IFT74: variants seen among roughly 807,000 people sequenced by gnomAD.
The protein encoded by IFT74 is intraflagellar transport 74.
IFT74 carries 92 observed loss-of-function variants against 96.7 expected under a neutral mutation model. The observed-to-expected ratio is 0.95, with a 90% CI of 0.80 to 1.13. IFT74 has a LOEUF of 1.13. Among genes scored for constraint, IFT74 ranks in the 50% most tolerant of loss-of-function variants. IFT74 has a pLI of 0.00. For synonymous variants in IFT74, 223 were observed against 213.2 expected (o/e 1.05, Z -0.40); for missense variants, 811 against 698.2 (o/e 1.16, Z -1.82).
At chr9:26,988,769 T>C in intron 7 of IFT74, 41 bp downstream of exon 7, 1 of 1,444,612 alleles carries the variant, frequency 6.9e-7, no homozygotes, top group Non-Finnish European at 9.4e-7. Context: ...ATGTAAGTCA[T>C]ATCCTACAAA....
At chr9:27,037,113 G>T (rs1208646689) in intron 13 of IFT74, among the ~76,000 whole-genome samples, 3 of 151,670 alleles carry the variant, frequency 2.0e-5, no homozygotes, top group Non-Finnish European at 4.4e-5. Context: ...CCAGCTACTA[G>T]GGAGGCTGAG....
intron 8 of IFT74, among the ~76,000 whole-genome samples, chr9:26,990,632 G>T (rs1470031643): frequency 6.6e-6 from 1 of 152,104 alleles, no homozygotes; most frequent in African/African-American, 2.4e-5. Flanking sequence ...GTCATATATA[G>T]ATTGTATGTG....
chr9:26,965,233 A>G (rs1035944668), intron 2 of IFT74, among the ~76,000 whole-genome samples: 1 of 152,196 alleles, frequency 6.6e-6, no homozygotes, highest in African/African-American at 2.4e-5. Flanking sequence ...TGAATAGACA[A>G]AAATGTCCAT....
chr9:26,958,765 A>C (rs924575970), intron 1 of IFT74, among the ~76,000 whole-genome samples: 3 of 152,130 alleles, frequency 2.0e-5, no homozygotes, highest in Admixed American at 6.5e-5. Flanking sequence ...TAAAATAAGG[A>C]AGTTGTGTGG....
chr9:26,980,904 A>G (rs1159921971), intron 4 of IFT74, among the ~76,000 whole-genome samples: 2 of 152,224 alleles, frequency 1.3e-5, no homozygotes, highest in African/African-American at 4.8e-5. Context: ...CTGCTATAAT[A>G]AAATACCTGA....
At chr9:27,025,462 AAG>A (rs1829819071) in intron 12 of IFT74, among the ~76,000 whole-genome samples, 1 of 150,292 alleles carries the variant, frequency 6.7e-6, no homozygotes, top group Non-Finnish European at 1.5e-5. Flanking sequence ...AAAAAAAAAA[AAG>A]AAAAGAAAAG....
chr9:26,974,748 G>T (rs768977638), intron 2 of IFT74, among the ~76,000 whole-genome samples: 12 of 152,058 alleles, frequency 7.9e-5, no homozygotes, highest in African/African-American at 2.9e-4. Flanking sequence ...ATATTAACTC[G>T]ACCCAGGTAT....
chr9:27,037,047 G>A (rs187829462), intron 13 of IFT74, among the ~76,000 whole-genome samples: 5 of 151,992 alleles, frequency 3.3e-5, no homozygotes, highest in Admixed American at 1.3e-4. Context: ...GTGAAACCCC[G>A]TCTCTACTAA....
intron 8 of IFT74, among the ~76,000 whole-genome samples, chr9:26,997,179 T>C (rs1186661932): frequency 6.6e-6 from 1 of 151,008 alleles, no homozygotes; most frequent in Non-Finnish European, 1.5e-5. Context: ...GCCAATGCAT[T>C]CCAGCCTGGG....
chr9:27,031,597 A>AT (rs74178370), intron 13 of IFT74, among the ~76,000 whole-genome samples: 26,492 of 129,770 alleles, frequency 0.2, 3,489 homozygotes, highest in Non-Finnish European at 0.29. Flanking sequence ...AACTTTACTC[A>AT]TTTTTTTTTT....
intron 13 of IFT74, among the ~76,000 whole-genome samples, chr9:27,035,103 A>T (rs1457333269): frequency 1.3e-5 from 2 of 152,254 alleles, no homozygotes; most frequent in African/African-American, 4.8e-5. Context: ...AACACAAAAC[A>T]CATTCATAAT....
chr9:27,061,677 G>GTATATATATATATATA (rs10668267), intron 19 of IFT74, among the ~76,000 whole-genome samples: 217 of 143,068 alleles, frequency 1.5e-3, no homozygotes, highest in East Asian at 0.011. Flanking sequence ...ATATCCACAA[G>GTATATATATATATATA]TATATATATA....
At chr9:26,954,782 C>A (rs1826028144), upstream of IFT74, among the ~76,000 whole-genome samples, 1 of 151,900 alleles carries the variant, frequency 6.6e-6, no homozygotes, top group Non-Finnish European at 1.5e-5. Context: ...TTACAATAAA[C>A]TTAAAATTTG....
chr9:27,003,847 A>T (rs1343880320), intron 8 of IFT74, among the ~76,000 whole-genome samples: 1 of 152,222 alleles, frequency 6.6e-6, no homozygotes, highest in East Asian at 1.9e-4. Flanking sequence ...CCCATAGAAG[A>T]GGGATGCCTA....
Position 26,984,263 on chromosome 9 carries a change from A to G in IFT74, c.312A>G (p.Lys104=). The G allele has an allele frequency of 6.4e-7, 1 of 1,563,946 alleles. No homozygotes were observed. The highest frequency in any genetic ancestry group is 8.7e-7 in the Non-Finnish European group (1 of 1,155,584). ...KSYYLGLLRS[K]ISELTTEVNK... ...CTTATTTCTTTTCTAATAGAAGTAAAATAAGTGAACTTACAACTGAAGTTA... is the reference window on the plus strand; with the variant it reads ...CTTATTTCTTTTCTAATAGAAGTAAGATAAGTGAACTTACAACTGAAGTTA... The change falls in exon 5 of 20, where the codon AAA becomes AAG. Residue 104 remains lysine, a synonymous_variant. Coordinates refer to ENST00000380062, the MANE Select transcript of IFT74 (RefSeq NM_025103.4).
At chr9:26,996,534 G>A (rs1188096205) in intron 8 of IFT74, 8 of 1,288,286 alleles carry the variant, frequency 6.2e-6, no homozygotes, top group Non-Finnish European at 8.1e-6. Flanking sequence ...TTAGTATAGA[G>A]AAAAATAATA....
chr9:26,947,158 C>G, intron 1 of IFT74: 1 of 1,268,462 alleles, frequency 7.9e-7, no homozygotes, highest in East Asian at 3.0e-5. Flanking sequence ...TAAGGGGCGG[C>G]CGGAGACCGG....
chr9:27,062,344 A>G lies in IFT74; in HGVS notation c.1685-274A>G, dbSNP rs138273304. ...TAGGAACTAGTTCATTGAACGTTAGATTGTTCTAAGACCAGAATTAGATTA... is the reference window on the plus strand; with the variant it reads ...TAGGAACTAGTTCATTGAACGTTAGGTTGTTCTAAGACCAGAATTAGATTA... On this transcript the variant is annotated intron_variant, in intron 19 of 19. Transcript: ENST00000380062. 2.5e-3 allele frequency among the ~76,000 whole-genome samples: 375 copies of G among 152,290 alleles called. 4 individuals carry two copies. The highest frequency in any genetic ancestry group is 8.6e-3 in the African/African-American group (356 of 41,556).
chr9:26,982,263 G>A (rs1417094055), intron 4 of IFT74: 1 of 277,434 alleles, frequency 3.6e-6, no homozygotes, highest in Non-Finnish European at 6.6e-6. Flanking sequence ...TAATTCATAA[G>A]CTTTTTTTCT....
Sources: allele counts gnomAD v4.1 joint callset (sites outside exome capture counted in the v4.1 genomes callset), GRCh38; gene constraint gnomAD v4.1.1; transcripts MANE v1.5; gene names NCBI Gene and HGNC (gene_info 2026-07-23, HGNC 2026-07-21).